The following ZNF438 variants were observed in gnomAD, a reference collection of about 807,000 sequenced individuals.
ZNF438 encodes zinc finger protein 438.
In ZNF438, 25 loss-of-function variants were observed where a neutral mutation model predicts 38.0. The ratio of observed to expected loss-of-function variants is 0.66; its 90% CI spans 0.48 to 0.92. The LOEUF (loss-of-function observed/expected upper bound fraction) is 0.92. Among genes scored for constraint, ZNF438 ranks in the 40% least tolerant of loss-of-function variants. The pLI, the probability that ZNF438 is intolerant of heterozygous loss-of-function variation, is 0.00. For missense variants in ZNF438, 1,007 were observed against 999.6 expected (o/e 1.01, Z -0.10); for synonymous variants, 372 against 364.1 (o/e 1.02, Z -0.25).
At chr10:30,877,393 T>C (rs10763850) in intron 3 of ZNF438, among the ~76,000 whole-genome samples, 56,842 of 151,934 alleles carry the variant, frequency 0.37, 10,955 homozygotes, top group Admixed American at 0.41. Flanking sequence ...AATTGCTTCA[T>C]ATACTTTAAG....
At chr10:31,021,970 T>C (rs1455639919) in intron 1 of ZNF438, among the ~76,000 whole-genome samples, 2 of 151,954 alleles carry the variant, frequency 1.3e-5, no homozygotes, top group African/African-American at 2.4e-5. Flanking sequence ...TTGAAGCAAA[T>C]TGGAAAGTTG....
chr10:30,862,976 TTATAG>T lies in ZNF438; in HGVS notation c.38-12614_38-12610del, dbSNP rs1452568432. Among the ~76,000 whole-genome samples, 8 of 152,350 alleles carry T rather than the reference TTATAG, an allele frequency of 5.3e-5. No individual in the cohort carries two copies. The East Asian group carries it at 1.5e-3, about 29-fold the overall frequency. ...TTAAAAAATGAATTGTTTCACTGTT[TTATAG>T]TAGAGTTTTACAGATGCTTTATCTT... On this transcript the variant is annotated intron_variant, in intron 4 of 5. Transcript: ENST00000413025.
intron 4 of ZNF438, among the ~76,000 whole-genome samples, chr10:30,852,853 T>G (rs2033920023): frequency 6.6e-6 from 1 of 152,242 alleles, no homozygotes; most frequent in Non-Finnish European, 1.5e-5. Context: ...GTAAATCACT[T>G]GACAATAGTC....
Position 30,909,817 on chromosome 10 carries a change from T to C in ZNF438, c.-114-802A>G, listed in dbSNP as rs931678682. Among the ~76,000 whole-genome samples, 11 of 152,220 alleles carry C rather than the reference T, an allele frequency of 7.2e-5. 1 individual carries two copies. Among genetic ancestry groups the C allele is most frequent in the African/African-American group, 2.7e-4 (11 of 41,450 alleles). The stretch of plus-strand genomic sequence containing the variant: ...TTAAGCAGTCATATGGTAACCACCA[T>C]GGAGCCTGAATCTAAAAATATTCTT... On this transcript the variant is annotated intron_variant, in intron 2 of 5. Transcript: ENST00000413025.
At chr10:31,009,002 A>G (rs1378129536) in intron 1 of ZNF438, among the ~76,000 whole-genome samples, 1 of 152,172 alleles carries the variant, frequency 6.6e-6, no homozygotes, top group Admixed American at 6.5e-5. Context: ...GCTTCTCTCT[A>G]TGAGTGACAA....
chr10:30,980,252 A>G (rs1181451862), intron 1 of ZNF438, among the ~76,000 whole-genome samples: 2 of 78,594 alleles, frequency 2.5e-5, no homozygotes, highest in Non-Finnish European at 4.9e-5. Context: ...ACTGTTTAAC[A>G]TTAAAAAAAA....
exon 5 of ZNF438, chr10:30,849,914 G>A: frequency 6.2e-7 from 1 of 1,614,168 alleles, no homozygotes; most frequent in Non-Finnish European, 8.5e-7. Context: ...AGGGTGGTGA[G>A]GTGGGGAAGG....
rs114557921 is a variant in ZNF438, at chr10:30,861,796, T to C, written c.38-11429A>G. On this transcript the variant is annotated intron_variant, in intron 4 of 5. Coordinates refer to ENST00000413025, the Ensembl canonical transcript of ZNF438. Reference sequence around the variant, plus strand: ...AATACATTTAGAAAGATAAAGTTGTTTATTTTTTGGCAAAAATAATTTGTA... The same window carrying C: ...AATACATTTAGAAAGATAAAGTTGTCTATTTTTTGGCAAAAATAATTTGTA... Among the ~76,000 whole-genome samples the C allele has an allele frequency of 8.8e-3, 1,336 of 152,344 alleles. 14 individuals are homozygous for C. Among genetic ancestry groups the C allele is most frequent in the African/African-American group, 0.031 (1,283 of 41,568 alleles).
chr10:30,890,715 G>T (rs529367063), intron 3 of ZNF438, among the ~76,000 whole-genome samples: 1 of 152,278 alleles, frequency 6.6e-6, no homozygotes, highest in South Asian at 2.1e-4. Flanking sequence ...TTTCTACACA[G>T]CTTATTATTT....
chr10:30,931,675 G>A (rs1417688516), intron 2 of ZNF438, among the ~76,000 whole-genome samples: 7 of 152,118 alleles, frequency 4.6e-5, no homozygotes, highest in Admixed American at 2.0e-4. Context: ...TCTATAGTAC[G>A]AAAAACCCAA....
intron 3 of ZNF438, among the ~76,000 whole-genome samples, chr10:30,885,426 T>C (rs901038691): frequency 6.6e-6 from 1 of 152,226 alleles, no homozygotes; most frequent in African/African-American, 2.4e-5. Flanking sequence ...TTCACCTAGA[T>C]TGTATTCTAC....
chr10:30,848,452 T>G (rs1270550100), intron 5 of ZNF438, 79 bp downstream of exon 6: 3 of 1,499,372 alleles, frequency 2.0e-6, no homozygotes, highest in Non-Finnish European at 1.8e-6. Context: ...TAAACTCTCC[T>G]TTCTGAATAT....
At chr10:30,921,501 T>C (rs927198358) in intron 2 of ZNF438, among the ~76,000 whole-genome samples, 1 of 152,170 alleles carries the variant, frequency 6.6e-6, no homozygotes, top group African/African-American at 2.4e-5. Context: ...TTTATAAATA[T>C]CTTGACCTAT....
chr10:30,940,198 A>G (rs2046670965), intron 2 of ZNF438, among the ~76,000 whole-genome samples: 1 of 152,254 alleles, frequency 6.6e-6, no homozygotes, highest in Non-Finnish European at 1.5e-5. Flanking sequence ...TTTACTAAGC[A>G]CTATTAAAGG....
At chr10:30,866,742 G>A (rs934321900) in intron 4 of ZNF438, among the ~76,000 whole-genome samples, 4 of 151,966 alleles carry the variant, frequency 2.6e-5, no homozygotes, top group Non-Finnish European at 4.4e-5. Context: ...GCTGAGGCAG[G>A]AGAATGGCAT....
Position 30,981,756 on chromosome 10 carries a change from TAA to T in ZNF438, c.-191-40107_-191-40106del, listed in dbSNP as rs563708756. Among the ~76,000 whole-genome samples the T allele has an allele frequency of 2.2e-3, 336 of 151,876 alleles. 1 individual carries two copies. Among genetic ancestry groups the T allele is most frequent in the African/African-American group, 7.4e-3 (306 of 41,420 alleles). On this transcript the variant is annotated intron_variant, in intron 1 of 5. Transcript: ENST00000413025. Reference sequence around the variant, plus strand: ...TAGCTGGGCTGGTGGCGTGCACCTGTAATCCCAGCTGCTCAGGAGGCTGAGGA... The same window carrying T: ...TAGCTGGGCTGGTGGCGTGCACCTGTTCCCAGCTGCTCAGGAGGCTGAGGA...
At chr10:30,856,514 A>G (rs2034659907) in intron 4 of ZNF438, among the ~76,000 whole-genome samples, 1 of 152,230 alleles carries the variant, frequency 6.6e-6, no homozygotes, top group African/African-American at 2.4e-5. Flanking sequence ...ATAGTTATAC[A>G]ACAGTGGTTT....
intron 1 of ZNF438, among the ~76,000 whole-genome samples, chr10:31,013,489 C>G (rs573423258): frequency 6.6e-6 from 1 of 152,240 alleles, no homozygotes; most frequent in Non-Finnish European, 1.5e-5. Context: ...CCCCTTCACT[C>G]AGAAAATGAC....
chr10:30,936,665 A>T (rs117062178), intron 2 of ZNF438, among the ~76,000 whole-genome samples: 12,052 of 152,100 alleles, frequency 0.079, 566 homozygotes, highest in Non-Finnish European at 0.11. Context: ...GGAGCAAGAC[A>T]TCGTCTCAAA....
Sources: gnomAD v4.1 joint callset for allele counts (sites outside exome capture counted in the v4.1 genomes callset) on GRCh38, gnomAD v4.1.1 for gene constraint, MANE v1.5 for transcripts, NCBI Gene and HGNC (gene_info 2026-07-23, HGNC 2026-07-21) for gene names.